VWDE: variants seen among roughly 807,000 people sequenced by gnomAD.
The protein encoded by VWDE is von Willebrand factor D and EGF domain-containing protein.
A neutral mutation model predicts 178.4 loss-of-function variants in VWDE; 207 were observed. That is an observed-to-expected ratio of 1.16 (90% CI 1.04 to 1.30). The LOEUF is 1.30. VWDE is among the 50% of genes most tolerant of loss of function. The probability of loss-of-function intolerance (pLI) is 0.00; values close to 1 mark genes in which losing one functional copy is unlikely to be tolerated. For missense variants in VWDE, 2,287 were observed against 1,901.3 expected (o/e 1.20, Z -3.77); for synonymous variants, 738 against 651.4 (o/e 1.13, Z -2.02).
chr7:12,388,499 A>C (rs1784213982), intron 3 of VWDE, among the ~76,000 whole-genome samples: 1 of 152,172 alleles, frequency 6.6e-6, no homozygotes. Flanking sequence ...TAGCAACAAT[A>C]ATTTGTAATT....
rs184346793 is a variant in VWDE at position 12,359,609 on chromosome 7, T to G, written c.3243A>C (p.Lys1081Asn). 200 of 1,550,302 alleles carry G rather than the reference T, an allele frequency of 1.3e-4. No homozygotes were observed. The highest frequency in any genetic ancestry group is 1.7e-4 in the Non-Finnish European group (191 of 1,146,156). The part of the protein sequence containing the change: ...PTSPCLICRP[K>N]ISRFTWSFLE... ...AAAATGACCAAGTAAATCTTGAAAT[T>G]TTGGGTCTACAAATCAAACAAGGGC... The change falls in exon 16 of 29, where the codon AAA becomes AAC. Residue 1081 changes from lysine (K) to asparagine (N), a missense_variant. Physicochemically the swap from Lys to Asn is moderately conservative, Grantham distance 94. Coordinates refer to ENST00000275358, the MANE Select transcript of VWDE (RefSeq NM_001135924.3).
At chr7:12,334,329 G>A (rs1029209641) in intron 27 of VWDE, among the ~76,000 whole-genome samples, 1 of 152,050 alleles carries the variant, frequency 6.6e-6, no homozygotes, top group African/African-American at 2.4e-5. Context: ...GAGTGAAAAT[G>A]AGCGTACCAC....
chr7:12,381,298 T>A (rs749947722), intron 4 of VWDE, among the ~76,000 whole-genome samples: 26 of 152,128 alleles, frequency 1.7e-4, no homozygotes, highest in Non-Finnish European at 3.7e-4. Flanking sequence ...CACAGGAAAA[T>A]TTTATATCAT....
At chr7:12,358,512 G>A (rs1001301724) in intron 16 of VWDE, among the ~76,000 whole-genome samples, 1 of 151,848 alleles carries the variant, frequency 6.6e-6, no homozygotes, top group Non-Finnish European at 1.5e-5. Context: ...TTAACAGTTG[G>A]AACAAATAGC....
In VWDE at chr7:12,351,467, G is replaced by C. The variant is rs1329893182; in HGVS notation, c.3886+106C>G. On this transcript the variant is annotated intron_variant, in intron 19 of 28. Transcript: ENST00000275358. ...AAACCGCATCATATAACCTTTAGGT[G>C]ATCTTTCTAAAAATAAAAATACCTG... The C allele has an allele frequency of 1.3e-5, 16 of 1,218,278 alleles. No individual in the cohort carries two copies. In the East Asian group the frequency reaches 2.4e-4, roughly 18 times the overall value. 75.5% of individuals were successfully genotyped at this position (1,218,278 alleles called of 1,614,324 possible).
rs1413489175 is a variant in VWDE, at chr7:12,369,654, A to T, written c.2652T>A (p.Ile884=). Residue 884 remains isoleucine (I), a synonymous_variant, in exon 12 of 29, where the codon ATT becomes ATA. Coordinates refer to ENST00000275358, the MANE Select transcript of VWDE (RefSeq NM_001135924.3). The part of the protein sequence containing the change: ...TEEYGTSIED[I]LSVLKCPNLC... ...AATTGGGGCATTTTAATACTGAGAG[A>T]ATGTCTTCAATTGATGTGCCATACT... The T allele has an allele frequency of 6.4e-7, 1 of 1,551,458 alleles. No individual in the cohort carries two copies. The highest frequency in any genetic ancestry group is 8.7e-7 in the Non-Finnish European group (1 of 1,146,900).
intron 13 of VWDE, 86 bp downstream of exon 13, chr7:12,367,271 T>C (rs1562490764): frequency 9.0e-7 from 1 of 1,106,480 alleles, no homozygotes. Flanking sequence ...TTTATGTTGC[T>C]AATTGATAGA....
At chr7:12,388,961 AAGAAATTTGACCAATGTAAAC>A in intron 3 of VWDE, 145 bp downstream of exon 3, 1 of 728,126 alleles carries the variant, frequency 1.4e-6, no homozygotes, top group Non-Finnish European at 2.5e-6. Context: ...AAGAACCCTA[AAGAAATTTGACCAATGTAAAC>A]AGAAATTTAG....
chr7:12,331,983 C>A (rs1780747668), intron 28 of VWDE, among the ~76,000 whole-genome samples: 1 of 152,018 alleles, frequency 6.6e-6, no homozygotes, highest in Non-Finnish European at 1.5e-5. Context: ...TTTTTACCCA[C>A]TATCTCAGGT....
chr7:12,337,979 G>A (rs1352675992), intron 24 of VWDE, among the ~76,000 whole-genome samples: 4 of 151,934 alleles, frequency 2.6e-5, no homozygotes, highest in Non-Finnish European at 5.9e-5. Flanking sequence ...GTAATACACA[G>A]GCAAGCCTGT....
chr7:12,375,363 G>T, intron 7 of VWDE, 136 bp from the exon 8 acceptor site: 1 of 813,326 alleles, frequency 1.2e-6, no homozygotes, highest in Non-Finnish European at 1.9e-6. Context: ...ACATATGGTT[G>T]CAAATTTTGT....
rs1899032 is a variant in VWDE at position 12,396,728 on chromosome 7, C to T, written c.59-2950G>A. 8.6e-3 allele frequency among the ~76,000 whole-genome samples: 1,296 copies of T among 150,594 alleles called. 21 individuals are homozygous for T. Among genetic ancestry groups the T allele is most frequent in the African/African-American group, 0.031 (1,253 of 40,920 alleles). ...GCCAGGAGTTGGAGACCAGCCTGACCAACAAGGAGAAACCCCATCTCTACT... is the reference window on the plus strand; with the variant it reads ...GCCAGGAGTTGGAGACCAGCCTGACTAACAAGGAGAAACCCCATCTCTACT... On this transcript the variant is annotated intron_variant, in intron 1 of 28. Coordinates refer to ENST00000275358, the MANE Select transcript of VWDE (RefSeq NM_001135924.3).
rs1783078716 is a variant in VWDE at position 12,369,910 on chromosome 7, G to A, written c.2396C>T (p.Ser799Phe). 1 of 1,551,516 alleles carries A rather than the reference G, an allele frequency of 6.4e-7. No individual in the cohort carries two copies. The highest frequency in any genetic ancestry group is 2.4e-5 in the East Asian group (1 of 40,886). The part of the protein sequence containing the change: ...QEFFPSWPTP[S>F]GLTEYSTLTL... ...CAAGGTGCTATACTCGGTGAGGCCA[G>A]AGGGAGTGGGCCAAGAGGGGAAAAA... Residue 799 changes from serine (S) to phenylalanine (F), a missense_variant, in exon 12 of 29, where the codon TCT (serine) becomes TTT (phenylalanine). Coordinates refer to ENST00000275358, the MANE Select transcript of VWDE (RefSeq NM_001135924.3).
intron 6 of VWDE, 87 bp downstream of exon 6, chr7:12,379,390 G>T: frequency 2.2e-6 from 2 of 894,584 alleles, no homozygotes; most frequent in Non-Finnish European, 3.2e-6. Context: ...CTGTGATGAG[G>T]TACAGAAACC....
At chr7:12,338,030 A>T (rs979661189) in intron 24 of VWDE, among the ~76,000 whole-genome samples, 3 of 152,128 alleles carry the variant, frequency 2.0e-5, no homozygotes, top group African/African-American at 7.2e-5. Flanking sequence ...AATAATAATT[A>T]AATAAATGTT....
intron 23 of VWDE, 119 bp from the exon 24 acceptor site, chr7:12,340,536 C>A: frequency 3.0e-6 from 2 of 657,106 alleles, no homozygotes; most frequent in Non-Finnish European, 5.1e-6. Flanking sequence ...AAGTAAAGCC[C>A]ATAATGTATA....
At chr7:12,351,513 T>C (rs1163635322) in intron 19 of VWDE, 60 bp downstream of exon 19, 5 of 1,471,216 alleles carry the variant, frequency 3.4e-6, no homozygotes, top group Admixed American at 2.6e-5. Flanking sequence ...ATGTTGGTCT[T>C]CTAGAAAACA....
intron 6 of VWDE, among the ~76,000 whole-genome samples, chr7:12,378,327 T>C (rs781374664): frequency 2.0e-5 from 3 of 152,224 alleles, no homozygotes; most frequent in Non-Finnish European, 4.4e-5. Flanking sequence ...ACCATCTCAA[T>C]TAGAAATTTA....
rs576842125 is a variant in VWDE at position 12,375,048 on chromosome 7, C to T, written c.1204G>A (p.Asp402Asn). ...GGAATGTAGTTGTTCCACAGGAAAT[C>T]CTCATTAACTATTGGTTGCACTACA... ...NIVVQPIVNE[D>N]FLWNNYIPDS... Residue 402 changes from aspartate (D) to asparagine (N), a missense_variant, in exon 8 of 29, where the codon GAT becomes AAT. By Grantham distance (23) the Asp-to-Asn change is conservative. Coordinates refer to ENST00000275358, the MANE Select transcript of VWDE (RefSeq NM_001135924.3). The T allele has an allele frequency of 6.4e-7, 1 of 1,551,238 alleles. No homozygotes were observed. The highest frequency in any genetic ancestry group is 1.2e-5 in the South Asian group (1 of 84,050).
Sources: allele counts gnomAD v4.1 joint callset (sites outside exome capture counted in the v4.1 genomes callset), GRCh38; gene constraint gnomAD v4.1.1; transcripts MANE v1.5; gene names NCBI Gene and HGNC (gene_info 2026-07-23, HGNC 2026-07-21).